The following MED13L variants were observed in gnomAD, a reference collection of about 807,000 sequenced individuals.
The protein encoded by MED13L is mediator of RNA polymerase II transcription subunit 13-like.
A neutral mutation model predicts 220.9 loss-of-function variants in MED13L; 7 were observed. The observed-to-expected ratio is 0.03, with a 90% CI of 0.02 to 0.06. MED13L has a LOEUF of 0.06. Among genes scored for constraint, MED13L ranks in the 10% least tolerant of loss-of-function variants. MED13L has a pLI of 1.00. For missense variants in MED13L, 1,965 were observed against 2,760.5 expected (o/e 0.71, Z 6.46); for synonymous variants, 1,011 against 1,015.2 (o/e 1.00, Z 0.08).
chr12:116,072,501 G>C lies in MED13L; in HGVS notation c.479+24168C>G, dbSNP rs150417149. On this transcript the variant is annotated intron_variant, in intron 4 of 30. Transcript: ENST00000281928. ...GAGTCTCGCTCTGCCGCCCAGGCTAGAGTGCAGTGGCGCAATCTCGGCTCA... is the reference window on the plus strand; with the variant it reads ...GAGTCTCGCTCTGCCGCCCAGGCTACAGTGCAGTGGCGCAATCTCGGCTCA... Among the ~76,000 whole-genome samples, 1,495 of 152,270 alleles carry C rather than the reference G, an allele frequency of 9.8e-3. 26 individuals carry two copies. The highest frequency in any genetic ancestry group is 0.034 in the African/African-American group (1,403 of 41,554).
chr12:116,256,875 G>A (rs555266681), intron 1 of MED13L, among the ~76,000 whole-genome samples: 2 of 151,900 alleles, frequency 1.3e-5, no homozygotes, highest in South Asian at 2.1e-4. Flanking sequence ...TAGTAGAGAC[G>A]AGGTTTCACC....
At chr12:116,137,050 T>A (rs1876620193) in intron 2 of MED13L, among the ~76,000 whole-genome samples, 1 of 152,208 alleles carries the variant, frequency 6.6e-6, no homozygotes, top group South Asian at 2.1e-4. Context: ...TCCAACTCTG[T>A]CTTTACATGG....
intron 4 of MED13L, among the ~76,000 whole-genome samples, chr12:116,080,317 T>A (rs920008775): frequency 1.1e-4 from 17 of 152,234 alleles, no homozygotes; most frequent in African/African-American, 4.1e-4. Context: ...AAAATAAAAA[T>A]GTGACAAAAA....
At chr12:116,143,626 C>T (rs1877264121) in intron 2 of MED13L, among the ~76,000 whole-genome samples, 2 of 152,146 alleles carry the variant, frequency 1.3e-5, no homozygotes, top group South Asian at 4.1e-4. Flanking sequence ...CTCTGGGACT[C>T]CCTTCTAAAA....
intron 2 of MED13L, among the ~76,000 whole-genome samples, chr12:116,139,392 GGTAT>G (rs1365870841): frequency 6.6e-6 from 1 of 151,888 alleles, no homozygotes; most frequent in African/African-American, 2.4e-5. Context: ...TTCAAAGAAG[GGTAT>G]CACATTCTCT....
At chr12:116,220,708 G>A (rs1025973121) in intron 2 of MED13L, among the ~76,000 whole-genome samples, 2 of 151,938 alleles carry the variant, frequency 1.3e-5, no homozygotes, top group African/African-American at 4.8e-5. Context: ...CAAAATAAAG[G>A]GGCCATAAAC....
At chr12:116,132,117 A>G (rs1876121445) in intron 2 of MED13L, among the ~76,000 whole-genome samples, 3 of 152,014 alleles carry the variant, frequency 2.0e-5, no homozygotes, top group African/African-American at 7.3e-5. Context: ...CGTCTCTACA[A>G]AAGTACAAAA....
intron 4 of MED13L, among the ~76,000 whole-genome samples, chr12:116,043,810 T>C (rs1881674920): frequency 6.6e-6 from 1 of 152,046 alleles, no homozygotes; most frequent in African/African-American, 2.4e-5. Context: ...GCTCAAACAG[T>C]GGGGAAGGGG....
At chr12:116,104,750 T>C (rs1873403282) in intron 3 of MED13L, among the ~76,000 whole-genome samples, 2 of 152,174 alleles carry the variant, frequency 1.3e-5, no homozygotes, top group Admixed American at 6.5e-5. Context: ...GAGAAAAAAA[T>C]GAGCTTTCTA....
intron 4 of MED13L, among the ~76,000 whole-genome samples, chr12:116,069,518 T>G (rs2137675777): frequency 6.6e-6 from 1 of 152,240 alleles, no homozygotes; most frequent in East Asian, 1.9e-4. Context: ...TGGTTGAAAC[T>G]GAGTATTCTT....
chr12:115,969,986 T>C (rs932798008), intron 27 of MED13L, among the ~76,000 whole-genome samples: 3 of 152,218 alleles, frequency 2.0e-5, no homozygotes, highest in Admixed American at 6.5e-5. Flanking sequence ...ATATTTGTTA[T>C]TCTATTGTAA....
At chr12:116,125,494 A>G (rs1875502445) in intron 2 of MED13L, among the ~76,000 whole-genome samples, 1 of 152,228 alleles carries the variant, frequency 6.6e-6, no homozygotes, top group Non-Finnish European at 1.5e-5. Context: ...ACTGAACACT[A>G]ATGTGCACTT....
intron 3 of MED13L, among the ~76,000 whole-genome samples, chr12:116,107,813 C>T (rs1012862580): frequency 2.0e-5 from 3 of 152,204 alleles, no homozygotes; most frequent in African/African-American, 7.2e-5. Flanking sequence ...TCAGTTGGGC[C>T]GGGCGCCGTG....
rs989512591 is a variant in MED13L at position 115,963,255 on chromosome 12, A to G, written c.6500+152T>C. 4.2e-6 allele frequency: 3 copies of G among 714,826 alleles called. No homozygotes were observed. In the African/African-American group the frequency reaches 5.2e-5, roughly 12 times the overall value. The allele number at this position is 714,826 out of a possible 1,614,324, so 44.3% of individuals were successfully genotyped here. ...CGCCTGTCCCATGCAGCTATGAGGG[A>G]CTGCAGCTCTCACTGACTCATCAGA... On this transcript the variant is annotated intron_variant, in intron 30 of 30. Transcript: ENST00000281928.
chr12:116,073,730 G>C (rs1277933040), intron 4 of MED13L, among the ~76,000 whole-genome samples: 2 of 152,154 alleles, frequency 1.3e-5, no homozygotes, highest in Non-Finnish European at 2.9e-5. Flanking sequence ...CCAAACATAT[G>C]TCAGTAACTA....
At position 116,237,640 on chromosome 12, in the gene MED13L, T is replaced by G. The variant is rs1565943128; in HGVS notation, c.138A>C (p.Ile46=). 4 of 1,614,172 alleles carry G rather than the reference T, an allele frequency of 2.5e-6. No homozygotes were observed. The South Asian group carries it at 4.4e-5, about 18-fold the overall frequency. The change falls in exon 2 of 31, where the codon ATA becomes ATC. Residue 46 remains isoleucine (I), a synonymous_variant. Coordinates refer to ENST00000281928, the MANE Select transcript of MED13L (RefSeq NM_015335.5). ...GATCATCTTGGGCTGGGGCTGAAAT[T>G]ATGGGTCCACAGTCCCCATGCCCTC... The part of the protein sequence containing the change: ...NFGGHGDCGP[I]ISAPAQDDPI...
At chr12:116,100,598 CAAAAAAA>C (rs760855189) in intron 3 of MED13L, among the ~76,000 whole-genome samples, 94 of 68,004 alleles carry the variant, frequency 1.4e-3, no homozygotes, top group Non-Finnish European at 2.2e-3. Context: ...GACTCCGTCT[CAAAAAAA>C]AAAAAAAAAA....
chr12:115,990,896 GTTCT>G (rs1308042594), intron 17 of MED13L, 120 bp downstream of exon 17: 6 of 1,005,278 alleles, frequency 6.0e-6, no homozygotes, highest in Non-Finnish European at 7.5e-6. Flanking sequence ...CTCACTTTAG[GTTCT>G]TTTTTTTCCC....
rs1436360 is a variant in MED13L at position 115,961,170 on chromosome 12, G to A, written c.*96C>T. The A allele has an allele frequency of 1.3e-6, 2 of 1,509,740 alleles. No individual in the cohort carries two copies. Among genetic ancestry groups the A allele is most frequent in the South Asian group, 1.1e-5 (1 of 87,636 alleles). The allele number at this position is 1,509,740 out of a possible 1,614,324, so 93.5% of individuals were successfully genotyped here. ...GCAGGACTGTGGAGAGTGGTCTGAAGAAAAGGATGTGGGTTATTTGCAGAG... is the reference window on the plus strand; with the variant it reads ...GCAGGACTGTGGAGAGTGGTCTGAAAAAAAGGATGTGGGTTATTTGCAGAG... On this transcript the variant is annotated 3_prime_UTR_variant, in exon 31 of 31. Coordinates refer to ENST00000281928, the MANE Select transcript of MED13L (RefSeq NM_015335.5).
Sources: gnomAD v4.1 joint callset for allele counts (sites outside exome capture counted in the v4.1 genomes callset) on GRCh38, gnomAD v4.1.1 for gene constraint, MANE v1.5 for transcripts, NCBI Gene and HGNC (gene_info 2026-07-23, HGNC 2026-07-21) for gene names.